The following MEGF11 variants were observed in gnomAD, a reference collection of about 807,000 sequenced individuals.
The protein encoded by MEGF11 is multiple EGF like domains 11, also known as multiple epidermal growth factor-like domains protein 11.
A neutral mutation model predicts 146.6 loss-of-function variants in MEGF11; 126 were observed. The observed-to-expected ratio is 0.86, with a 90% confidence interval of 0.74 to 1.00. The LOEUF (loss-of-function observed/expected upper bound fraction) is 1.00, where lower values mean the gene tolerates loss of function less well. Among genes scored for constraint, MEGF11 ranks in the 50% least tolerant of loss-of-function variants. MEGF11 has a pLI of 0.00. For synonymous variants in MEGF11, 532 were observed against 583.4 expected (o/e 0.91, Z 1.27); for missense variants, 1,509 against 1,521.2 (o/e 0.99, Z 0.13).
chr15:66,023,408 G>A (rs1051822060), intron 5 of MEGF11, among the ~76,000 whole-genome samples: 7 of 152,182 alleles, frequency 4.6e-5, no homozygotes, highest in African/African-American at 1.7e-4. Context: ...GCTGGGGCTA[G>A]AGACTGTAAC....
At chr15:66,184,081 G>C (rs988965918) in intron 1 of MEGF11, among the ~76,000 whole-genome samples, 2 of 152,052 alleles carry the variant, frequency 1.3e-5, no homozygotes, top group African/African-American at 4.8e-5. Context: ...CATCAGGCTG[G>C]GGGACAGATG....
intron 1 of MEGF11, among the ~76,000 whole-genome samples, chr15:66,143,112 G>A (rs1281881263): frequency 6.6e-6 from 1 of 152,222 alleles, no homozygotes; most frequent in Non-Finnish European, 1.5e-5. Flanking sequence ...CCACAGTGCG[G>A]ATATCAATAA....
At chr15:66,194,522 C>T (rs1352936637) in intron 1 of MEGF11, among the ~76,000 whole-genome samples, 3 of 152,216 alleles carry the variant, frequency 2.0e-5, no homozygotes, top group African/African-American at 2.4e-5. Context: ...ACAGGAGAAT[C>T]GCTTGAACCC....
chr15:66,241,727 C>T (rs1220523828), intron 1 of MEGF11, among the ~76,000 whole-genome samples: 3 of 152,160 alleles, frequency 2.0e-5, no homozygotes, highest in Admixed American at 6.5e-5. Context: ...GCAATACACA[C>T]ACACATAGAG....
intron 4 of MEGF11, among the ~76,000 whole-genome samples, chr15:66,095,739 C>T (rs2086518170): frequency 6.6e-6 from 1 of 152,198 alleles, no homozygotes. Context: ...GGTCTGGAGT[C>T]AGCCTGTCCA....
At position 65,965,020 on chromosome 15, in the gene MEGF11, C is replaced by G. The variant is rs754160135; in HGVS notation, c.1000G>C (p.Glu334Gln). ...GQCSPTTGAC[E>Q]CEPGYKGPRC... ...GGGCCCTTGTAGCCAGGCTCACACTCGCAGGCACCCGTGGTGGGTGAACAC... is the reference window on the plus strand; with the variant it reads ...GGGCCCTTGTAGCCAGGCTCACACTGGCAGGCACCCGTGGTGGGTGAACAC... Residue 334 changes from glutamate to glutamine, a missense_variant, in exon 9 of 26, where the codon GAG becomes CAG. By Grantham distance (29) the Glu-to-Gln change is conservative. Coordinates refer to ENST00000395614, the MANE Select transcript of MEGF11 (RefSeq NM_001385028.1). The G allele has an allele frequency of 6.3e-7, 1 of 1,576,932 alleles. No homozygotes were observed. Among genetic ancestry groups the G allele is most frequent in the Middle Eastern group, 1.8e-4 (1 of 5,620 alleles).
intron 5 of MEGF11, among the ~76,000 whole-genome samples, chr15:66,079,681 G>A (rs1248062882): frequency 5.3e-5 from 8 of 152,166 alleles, no homozygotes; most frequent in Non-Finnish European, 1.2e-4. Context: ...CCCTAGCTCA[G>A]AACACACATT....
chr15:65,952,935 T>C (rs764777982), intron 10 of MEGF11, among the ~76,000 whole-genome samples: 2 of 152,224 alleles, frequency 1.3e-5, no homozygotes, highest in African/African-American at 2.4e-5. Context: ...CCCCCATCTC[T>C]ATCTCCATTT....
chr15:66,055,811 A>G (rs2084650894), intron 5 of MEGF11, among the ~76,000 whole-genome samples: 1 of 152,096 alleles, frequency 6.6e-6, no homozygotes, highest in African/African-American at 2.4e-5. Flanking sequence ...CCTCAACATG[A>G]TTCGGGAGGC....
chr15:66,141,241 T>G (rs1201154832), intron 1 of MEGF11, among the ~76,000 whole-genome samples: 48 of 33,842 alleles, frequency 1.4e-3, no homozygotes, highest in Middle Eastern at 0.015. Context: ...GGGGTGTGTG[T>G]GTGTGTGTGT....
Position 65,929,898 on chromosome 15 carries a change from A to G in MEGF11, c.1409-15T>C. The G allele has an allele frequency of 6.3e-7, 1 of 1,588,420 alleles. No individual in the cohort carries two copies. The highest frequency in any genetic ancestry group is 8.6e-7 in the Non-Finnish European group (1 of 1,166,658). ...GCCCTGCCACCCTGAGGGGAGGGAA[A>G]GGGACTGTCACTTCTCCATCCAGGC... On this transcript the variant is annotated splice_polypyrimidine_tract_variant and intron_variant, in intron 11 of 25. Coordinates refer to ENST00000395614, the MANE Select transcript of MEGF11 (RefSeq NM_001385028.1).
intron 5 of MEGF11, among the ~76,000 whole-genome samples, chr15:66,040,973 G>C (rs1597019800): frequency 6.7e-6 from 1 of 149,808 alleles, no homozygotes; most frequent in Admixed American, 6.7e-5. Context: ...CAATAGCCCT[G>C]CCCGAGACCA....
intron 5 of MEGF11, among the ~76,000 whole-genome samples, chr15:66,003,448 G>T (rs2082424574): frequency 1.0e-5 from 1 of 97,362 alleles, no homozygotes; most frequent in Admixed American, 1.3e-4. Flanking sequence ...TCTATCCTTA[G>T]GGGTGGCTGA....
At chr15:66,206,178 A>G (rs1451881618) in intron 1 of MEGF11, among the ~76,000 whole-genome samples, 2 of 152,246 alleles carry the variant, frequency 1.3e-5, no homozygotes, top group Non-Finnish European at 2.9e-5. Context: ...ATAGAGGGGC[A>G]GAGAAAAGCA....
chr15:65,979,452 A>G lies in MEGF11; in HGVS notation c.762+1326T>C, dbSNP rs562071895. Among the ~76,000 whole-genome samples, 7 of 152,312 alleles carry G rather than the reference A, an allele frequency of 4.6e-5. No individual in the cohort carries two copies. In the South Asian group the frequency reaches 8.3e-4, roughly 18 times the overall value. ...ACCTCTGCATTCGCAGCCTCCTAAA[A>G]TATCCTGCTTCTGCTCAGCAGCCCT... On this transcript the variant is annotated intron_variant, in intron 7 of 25. Transcript: ENST00000395614.
intron 1 of MEGF11, among the ~76,000 whole-genome samples, chr15:66,172,982 C>T (rs543942694): frequency 3.3e-5 from 5 of 152,238 alleles, no homozygotes; most frequent in East Asian, 3.9e-4. Flanking sequence ...TATGGGCTAC[C>T]CTGGGAGGGG....
intron 4 of MEGF11, among the ~76,000 whole-genome samples, chr15:66,118,859 T>A (rs1451531751): frequency 6.6e-6 from 1 of 152,204 alleles, no homozygotes; most frequent in East Asian, 1.9e-4. Context: ...CGCACTTCCA[T>A]CCACCCTGTA....
chr15:66,015,566 G>A (rs1318079182), intron 5 of MEGF11, among the ~76,000 whole-genome samples: 1 of 152,138 alleles, frequency 6.6e-6, no homozygotes, highest in African/African-American at 2.4e-5. Flanking sequence ...CATGGGGGTA[G>A]GTGTAGTTTC....
chr15:66,236,262 A>G (rs561668590), intron 1 of MEGF11, among the ~76,000 whole-genome samples: 1 of 152,316 alleles, frequency 6.6e-6, no homozygotes, highest in African/African-American at 2.4e-5. Flanking sequence ...AAGGTGGATT[A>G]TAGAGGATGG....
Sources: allele counts gnomAD v4.1 joint callset (sites outside exome capture counted in the v4.1 genomes callset), GRCh38; gene constraint gnomAD v4.1.1; transcripts MANE v1.5; gene names NCBI Gene and HGNC (gene_info 2026-07-23, HGNC 2026-07-21).